Variants in ERBB4 observed in about 807,000 individuals in gnomAD.
ERBB4 encodes receptor tyrosine-protein kinase erbB-4.
ERBB4 carries 42 observed loss-of-function variants against 158.0 expected under a neutral mutation model. The observed-to-expected ratio is 0.27, with a 90% CI of 0.21 to 0.34. The LOEUF is 0.34. ERBB4 is among the 10% of genes least tolerant of loss of function. The probability of loss-of-function intolerance (pLI) is 1.00; values close to 1 mark genes in which losing one functional copy is unlikely to be tolerated. For synonymous variants in ERBB4, 583 were observed against 558.7 expected (o/e 1.04, Z -0.61); for missense variants, 1,333 against 1,624.1 (o/e 0.82, Z 3.08).
chr2:212,301,434 A>G (rs1479464266), intron 1 of ERBB4, among the ~76,000 whole-genome samples: 1 of 151,474 alleles, frequency 6.6e-6, no homozygotes, highest in Admixed American at 6.6e-5. Context: ...ACTGAACAAA[A>G]TACGAGCACT....
intron 3 of ERBB4, among the ~76,000 whole-genome samples, chr2:211,867,319 C>T (rs933392316): frequency 6.6e-5 from 10 of 152,050 alleles, no homozygotes; most frequent in East Asian, 1.9e-4. Context: ...ACATTCTCTC[C>T]GGTGAAATCA....
chr2:212,279,876 T>C (rs1442175558), intron 1 of ERBB4, among the ~76,000 whole-genome samples: 1 of 151,656 alleles, frequency 6.6e-6, no homozygotes, highest in Admixed American at 6.6e-5. Context: ...CAAAAAGTTG[T>C]TGCATATAGG....
At chr2:212,531,238 G>T (rs754013660) in intron 1 of ERBB4, among the ~76,000 whole-genome samples, 6 of 152,122 alleles carry the variant, frequency 3.9e-5, no homozygotes, top group Non-Finnish European at 8.8e-5. Flanking sequence ...ATGGGCCCAT[G>T]AGAACACTTA....
chr2:211,882,990 A>G (rs1196496311), intron 3 of ERBB4, among the ~76,000 whole-genome samples: 2 of 152,218 alleles, frequency 1.3e-5, no homozygotes, highest in African/African-American at 4.8e-5. Context: ...TGCTGCTATA[A>G]AGACACATGC....
chr2:212,383,983 G>C (rs928077921), intron 1 of ERBB4, among the ~76,000 whole-genome samples: 2 of 151,432 alleles, frequency 1.3e-5, no homozygotes, highest in Admixed American at 6.6e-5. Context: ...TTTTGATCTT[G>C]TGCACGAATT....
At position 212,066,334 on chromosome 2, in the gene ERBB4, GGTTTT is replaced by G. The variant is rs1384802981; in HGVS notation, c.234+58413_234+58417del. Among the ~76,000 whole-genome samples the G allele has an allele frequency of 8.6e-5, 13 of 151,940 alleles. No homozygotes were observed. In the South Asian group the frequency reaches 1.9e-3, roughly 22 times the overall value. On this transcript the variant is annotated intron_variant, in intron 2 of 27. Transcript: ENST00000342788. ...AGTCTTACCTAGGAAAAAATAAAAT[GGTTTT>G]GTTTTAATAGTCTCAAATATCAAAA... is the stretch of plus-strand genomic sequence containing the variant.
At chr2:211,411,175 G>A (rs1370548011) in intron 25 of ERBB4, among the ~76,000 whole-genome samples, 2 of 152,176 alleles carry the variant, frequency 1.3e-5, no homozygotes, top group Non-Finnish European at 2.9e-5. Flanking sequence ...CCAAAGTGCT[G>A]GGATTACAGG....
At chr2:212,264,754 A>G (rs931070165) in intron 1 of ERBB4, among the ~76,000 whole-genome samples, 2 of 152,174 alleles carry the variant, frequency 1.3e-5, no homozygotes, top group African/African-American at 4.8e-5. Context: ...CGTGAATATT[A>G]TGTGTAGAAA....
At chr2:211,992,563 GAGAGAAAAA>G (rs1341248050) in intron 2 of ERBB4, among the ~76,000 whole-genome samples, 2 of 67,200 alleles carry the variant, frequency 3.0e-5, no homozygotes, top group African/African-American at 6.4e-5. Flanking sequence ...GAGAGAGAGA[GAGAGAAAAA>G]AAAAAAAAAC....
At chr2:211,516,525 G>GA (rs2066039136) in intron 20 of ERBB4, among the ~76,000 whole-genome samples, 1 of 151,618 alleles carries the variant, frequency 6.6e-6, no homozygotes, top group South Asian at 2.1e-4. Flanking sequence ...GTAGAGACGG[G>GA]AATCTCACCA....
intron 12 of ERBB4, among the ~76,000 whole-genome samples, chr2:211,698,823 A>T (rs1019675191): frequency 6.6e-6 from 1 of 152,144 alleles, no homozygotes; most frequent in African/African-American, 2.4e-5. Context: ...TTATAAACCT[A>T]CTCTAAAACT....
At chr2:211,385,126 C>T (rs116616408) in intron 27 of ERBB4, among the ~76,000 whole-genome samples, 1 of 152,156 alleles carries the variant, frequency 6.6e-6, no homozygotes, top group African/African-American at 2.4e-5. Flanking sequence ...TTATCCTTAG[C>T]CCAATAAGTA....
chr2:212,317,535 T>C (rs1211585457), intron 1 of ERBB4, among the ~76,000 whole-genome samples: 1 of 151,562 alleles, frequency 6.6e-6, no homozygotes, highest in African/African-American at 2.4e-5. Flanking sequence ...CAAGAGATCC[T>C]TAAACTATAT....
chr2:211,847,499 G>A (rs2077618262), intron 3 of ERBB4, among the ~76,000 whole-genome samples: 1 of 152,098 alleles, frequency 6.6e-6, no homozygotes, highest in African/African-American at 2.4e-5. Flanking sequence ...TATCTATAAA[G>A]GCTAGACAAT....
chr2:212,024,823 A>T (rs2076737048), intron 2 of ERBB4, among the ~76,000 whole-genome samples: 1 of 151,784 alleles, frequency 6.6e-6, no homozygotes, highest in South Asian at 2.1e-4. Context: ...AGAGAGTAAA[A>T]TTATATTGGA....
intron 2 of ERBB4, among the ~76,000 whole-genome samples, chr2:212,054,504 G>T (rs1477952072): frequency 1.3e-5 from 2 of 152,180 alleles, no homozygotes; most frequent in Admixed American, 6.5e-5. Context: ...GAGTAGAAAA[G>T]AGTTTCTACT....
Position 212,003,205 on chromosome 2 carries a change from GACAGAAA to G in ERBB4, c.235-55596_235-55590del, listed in dbSNP as rs1399241995. Reference sequence around the variant, plus strand: ...AGAAAGAAAGAAAGAAAGAAAGAAAGACAGAAAGAAGGAAGGAAGGAAGGAAGGAAGG... The same window carrying G: ...AGAAAGAAAGAAAGAAAGAAAGAAAGGAAGGAAGGAAGGAAGGAAGGAAGG... On this transcript the variant is annotated intron_variant, in intron 2 of 27. Transcript: ENST00000342788. 8.0e-3 allele frequency among the ~76,000 whole-genome samples: 359 copies of G among 44,718 alleles called. 13 individuals carry two copies. The highest frequency in any genetic ancestry group is 0.038 in the Middle Eastern group (3 of 78). 29.3% of individuals were successfully genotyped at this position (44,718 alleles called of 152,430 possible). A position where few individuals can be genotyped will look rare whatever the true frequency, so the allele number is the denominator to read the frequency against.
chr2:212,113,876 G>A (rs1398123049), intron 2 of ERBB4, among the ~76,000 whole-genome samples: 6 of 152,204 alleles, frequency 3.9e-5, no homozygotes, highest in African/African-American at 1.4e-4. Flanking sequence ...TACAGATTCT[G>A]CAAGACACTA....
At chr2:211,674,924 C>T (rs2071997419) in intron 13 of ERBB4, among the ~76,000 whole-genome samples, 1 of 152,134 alleles carries the variant, frequency 6.6e-6, no homozygotes, top group Non-Finnish European at 1.5e-5. Context: ...CACTTCCCCA[C>T]ACGCAGAGTT....
Sources: allele counts gnomAD v4.1 joint callset (sites outside exome capture counted in the v4.1 genomes callset), GRCh38; gene constraint gnomAD v4.1.1; transcripts MANE v1.5; gene names NCBI Gene and HGNC (gene_info 2026-07-23, HGNC 2026-07-21).